Variants in SLC12A1 observed in about 807,000 individuals in gnomAD.
SLC12A1 encodes the protein Na-K-2Cl cotransporter.
In SLC12A1, 89 loss-of-function variants were observed where a neutral mutation model predicts 130.4. The observed-to-expected ratio is 0.68, with a 90% CI of 0.58 to 0.81. SLC12A1 has a LOEUF of 0.81. Among genes scored for constraint, SLC12A1 ranks in the 40% least tolerant of loss-of-function variants. The pLI, the probability that SLC12A1 is intolerant of heterozygous loss-of-function variation, is 0.00. For synonymous variants in SLC12A1, 499 were observed against 460.0 expected (o/e 1.08, Z -1.09); for missense variants, 1,310 against 1,336.4 (o/e 0.98, Z 0.31).
chr15:48,250,674 C>CCCCACACACACACA (rs750040638), intron 14 of SLC12A1, among the ~76,000 whole-genome samples: 3 of 56,128 alleles, frequency 5.3e-5, no homozygotes, highest in African/African-American at 2.8e-4. Context: ...AAAATGTCTG[C>CCCCACACACACACA]CTCACACACA....
At chr15:48,270,068 G>T (rs1186012432) in intron 19 of SLC12A1, among the ~76,000 whole-genome samples, 2 of 152,198 alleles carry the variant, frequency 1.3e-5, no homozygotes, top group Non-Finnish European at 1.5e-5. Flanking sequence ...TAAGCAAGGA[G>T]AAATTTTTCT....
At chr15:48,233,411 A>T (rs1283223657) in intron 8 of SLC12A1, among the ~76,000 whole-genome samples, 2 of 152,252 alleles carry the variant, frequency 1.3e-5, no homozygotes, top group Non-Finnish European at 2.9e-5. Context: ...ACTAAAGTCA[A>T]ACATAGTCAT....
chr15:48,214,948 T>C lies in SLC12A1; in HGVS notation c.421-5686T>C, dbSNP rs139079051. Among the ~76,000 whole-genome samples the C allele has an allele frequency of 3.6e-3, 555 of 152,192 alleles. 3 individuals carry two copies. The highest frequency in any genetic ancestry group is 0.013 in the African/African-American group (540 of 41,528). On this transcript the variant is annotated intron_variant, in intron 2 of 26. Coordinates refer to ENST00000380993, the MANE Select transcript of SLC12A1 (RefSeq NM_000338.3). The stretch of plus-strand genomic sequence containing the variant: ...GTGTGAATATTTATGGAACTGTCTC[T>C]CGGTGGTGGTCTAAAAATTCTATCA...
intron 20 of SLC12A1, among the ~76,000 whole-genome samples, chr15:48,276,459 C>T (rs1196194204): frequency 1.3e-5 from 2 of 152,062 alleles, no homozygotes; most frequent in Non-Finnish European, 2.9e-5. Flanking sequence ...TTTGGGTGGG[C>T]CCTAATCCAA....
intron 2 of SLC12A1, among the ~76,000 whole-genome samples, chr15:48,213,064 G>T (rs1052041991): frequency 6.6e-6 from 1 of 152,140 alleles, no homozygotes; most frequent in Admixed American, 6.5e-5. Flanking sequence ...TTTATAAAAT[G>T]CTGTGGATCT....
At chr15:48,226,421 G>A in intron 4 of SLC12A1, 55 bp from the exon 5 acceptor site, 1 of 1,092,900 alleles carries the variant, frequency 9.1e-7, no homozygotes, top group Non-Finnish European at 1.4e-6. Context: ...GCAGCAATAG[G>A]GAATCCAAGG....
chr15:48,251,821 T>G, intron 15 of SLC12A1, 51 bp downstream of exon 15: 2 of 1,534,954 alleles, frequency 1.3e-6, no homozygotes, highest in Non-Finnish European at 1.8e-6. Flanking sequence ...CTCTAACTAC[T>G]CATTTATTAA....
chr15:48,220,105 C>T, intron 2 of SLC12A1, among the ~76,000 whole-genome samples: 1 of 84,516 alleles, frequency 1.2e-5, no homozygotes, highest in Admixed American at 1.6e-4. Flanking sequence ...CAAGACTCTG[C>T]CTCAAAAAAA....
At chr15:48,292,978 C>A (rs564393759) in intron 24 of SLC12A1, among the ~76,000 whole-genome samples, 1 of 152,082 alleles carries the variant, frequency 6.6e-6, no homozygotes, top group Non-Finnish European at 1.5e-5. Context: ...TGTAGCAGTG[C>A]AATCTCAGCT....
intron 16 of SLC12A1, among the ~76,000 whole-genome samples, chr15:48,257,926 A>G (rs950695874): frequency 1.8e-4 from 28 of 152,054 alleles, no homozygotes; most frequent in African/African-American, 6.8e-4. Flanking sequence ...AATTTTTCCA[A>G]CTTTTTTGCT....
At chr15:48,274,809 T>C (rs1346291697) in intron 20 of SLC12A1, among the ~76,000 whole-genome samples, 156 bp downstream of exon 20, 1 of 152,222 alleles carries the variant, frequency 6.6e-6, no homozygotes. Context: ...GTTCCCCCAG[T>C]ATTTTCTTCA....
chr15:48,295,936 G>A (rs751702577), intron 24 of SLC12A1, among the ~76,000 whole-genome samples: 2 of 152,116 alleles, frequency 1.3e-5, no homozygotes, highest in African/African-American at 2.4e-5. Flanking sequence ...TAAATCTCAC[G>A]GATGGCCACT....
intron 24 of SLC12A1, among the ~76,000 whole-genome samples, chr15:48,297,443 C>T (rs1337191398): frequency 2.0e-5 from 3 of 152,210 alleles, no homozygotes; most frequent in Non-Finnish European, 2.9e-5. Flanking sequence ...GGCATGGAGC[C>T]ATTCCCACTG....
At chr15:48,216,455 C>A (rs2041122737) in intron 2 of SLC12A1, among the ~76,000 whole-genome samples, 2 of 152,162 alleles carry the variant, frequency 1.3e-5, no homozygotes, top group Admixed American at 1.3e-4. Context: ...AGTTTATCAG[C>A]TAGCAGAGCA....
chr15:48,279,290 G>C (rs933079869), intron 20 of SLC12A1, among the ~76,000 whole-genome samples: 4 of 152,272 alleles, frequency 2.6e-5, no homozygotes, highest in Non-Finnish European at 5.9e-5. Flanking sequence ...TAAATCTTAA[G>C]TATTGCATTA....
chr15:48,251,280 T>G (rs1390870840), intron 14 of SLC12A1, among the ~76,000 whole-genome samples: 1 of 151,874 alleles, frequency 6.6e-6, no homozygotes, highest in Non-Finnish European at 1.5e-5. Context: ...CCATTCCTCC[T>G]GCCTCTTTTC....
intron 4 of SLC12A1, chr15:48,223,551 G>A (rs1386862314): frequency 1.3e-5 from 2 of 152,156 alleles, no homozygotes; most frequent in Non-Finnish European, 2.9e-5. Context: ...AAGAATTGTT[G>A]AAAAAACTAG....
intron 24 of SLC12A1, among the ~76,000 whole-genome samples, chr15:48,295,340 A>G (rs1380219177): frequency 6.6e-6 from 1 of 151,900 alleles, no homozygotes; most frequent in East Asian, 1.9e-4. Flanking sequence ...GGTTTTCTCA[A>G]CCCAAGTCCT....
intron 17 of SLC12A1, among the ~76,000 whole-genome samples, chr15:48,261,787 C>T (rs1049920505): frequency 5.3e-5 from 8 of 152,122 alleles, no homozygotes; most frequent in African/African-American, 1.9e-4. Flanking sequence ...AAAGATGGTG[C>T]TCATGGGCTT....
Sources: allele counts gnomAD v4.1 joint callset (sites outside exome capture counted in the v4.1 genomes callset), GRCh38; gene constraint gnomAD v4.1.1; transcripts MANE v1.5; gene names NCBI Gene and HGNC (gene_info 2026-07-23, HGNC 2026-07-21).